The following MYO18B variants were observed in gnomAD, a reference collection of about 807,000 sequenced individuals.
The protein encoded by MYO18B is myosin XVIIIB, also known as unconventional myosin-XVIIIb.
MYO18B carries 204 observed loss-of-function variants against 273.0 expected under a neutral mutation model. The observed-to-expected ratio is 0.75, with a 90% confidence interval of 0.67 to 0.84. MYO18B has a LOEUF of 0.84. MYO18B is among the 40% of genes least tolerant of loss of function. MYO18B has a pLI of 0.00. For synonymous variants in MYO18B, 1,330 were observed against 1,305.7 expected, an observed-to-expected ratio of 1.02 and a Z score of -0.40; for missense variants, 3,212 against 3,287.6, an observed-to-expected ratio of 0.98 and a Z score of 0.56.
rs1046404107 is a variant in MYO18B, at chr22:25,768,560, A to G, written c.644A>G (p.Lys215Arg). ...STEILAPKAE[K>R]TRTGGLGDPG... Reference sequence around the variant, plus strand: ...GAGATCTTGGCCCCGAAAGCTGAGAAGACCCGGACTGGGGGTCTTGGGGAC... The same window carrying G: ...GAGATCTTGGCCCCGAAAGCTGAGAGGACCCGGACTGGGGGTCTTGGGGAC... Residue 215 changes from lysine to arginine, a missense_variant, in exon 4 of 44, where the codon AAG becomes AGG. Coordinates refer to ENST00000335473, the MANE Select transcript of MYO18B (RefSeq NM_032608.7). 4.5e-6 allele frequency: 7 copies of G among 1,539,376 alleles called. No homozygotes were observed. Among genetic ancestry groups the G allele is most frequent in the Non-Finnish European group, 5.2e-6 (6 of 1,147,294 alleles).
chr22:26,003,121 G>C, intron 40 of MYO18B, 144 bp from the exon 41 acceptor site: 1 of 717,920 alleles, frequency 1.4e-6, no homozygotes, highest in Non-Finnish European at 2.5e-6. Flanking sequence ...GGAAGCTCAG[G>C]GAAGGCAAGT....
chr22:25,954,649 G>A (rs1264123463), intron 38 of MYO18B, among the ~76,000 whole-genome samples: 2 of 152,126 alleles, frequency 1.3e-5, no homozygotes, highest in Non-Finnish European at 2.9e-5. Flanking sequence ...AACCCAGAGG[G>A]TCTTGGGGGC....
At chr22:25,902,560 A>G (rs1055581615) in intron 29 of MYO18B, 53 bp from the exon 30 acceptor site, 75 of 1,561,458 alleles carry the variant, frequency 4.8e-5, no homozygotes, top group Admixed American at 5.6e-5. Context: ...TGCCTCAATC[A>G]CTCCCCTGCC....
At chr22:25,834,136 CTTCTTCTTTTTTTTT>C (rs536477224) in intron 16 of MYO18B, among the ~76,000 whole-genome samples, 56 of 149,690 alleles carry the variant, frequency 3.7e-4, no homozygotes, top group African/African-American at 1.3e-3. Context: ...TAGCTACCTT[CTTCTTCTTTTTTTTT>C]TTCTTTTTTT....
Position 25,921,276 on chromosome 22 carries a change from A to G in MYO18B, c.5384A>G (p.Asp1795Gly), listed in dbSNP as rs1391064052. Reference sequence around the variant, plus strand: ...TTTCAGATTGGCCATCGGGACTTTGATGTGGAGAAGCGACTTCGGAGAGAC... The same window carrying G: ...TTTCAGATTGGCCATCGGGACTTTGGTGTGGAGAAGCGACTTCGGAGAGAC... ...LCDQIGHRDF[D>G]VEKRLRRDLR... Residue 1795 changes from aspartate to glycine, a missense_variant, in exon 34 of 44, where the codon GAT (aspartate) becomes GGT (glycine). Asp to Gly is a moderately conservative substitution (Grantham distance 94). Transcript: ENST00000335473. 6.4e-7 allele frequency: 1 copy of G among 1,552,526 alleles called. No homozygotes were observed. Among genetic ancestry groups the G allele is most frequent in the Non-Finnish European group, 8.7e-7 (1 of 1,147,206 alleles).
chr22:25,992,627 C>T (rs1269970294), intron 40 of MYO18B, 134 bp downstream of exon 40: 9 of 1,184,666 alleles, frequency 7.6e-6, no homozygotes, highest in Admixed American at 4.3e-5. Context: ...AGGCACCCCT[C>T]GTTTACTTGG....
chr22:25,827,354 G>T (rs574451504), intron 14 of MYO18B, among the ~76,000 whole-genome samples: 10 of 152,306 alleles, frequency 6.6e-5, no homozygotes, highest in African/African-American at 2.4e-4. Flanking sequence ...TCTTGCTGGG[G>T]ATGGGAGCAA....
intron 40 of MYO18B, among the ~76,000 whole-genome samples, chr22:25,997,975 A>G (rs1025853528): frequency 7.0e-5 from 8 of 113,826 alleles, no homozygotes; most frequent in Non-Finnish European, 1.2e-4. Flanking sequence ...ACACACACAC[A>G]CACGAGAGAG....
chr22:26,000,004 C>T (rs1031586963), intron 40 of MYO18B, among the ~76,000 whole-genome samples: 2 of 152,188 alleles, frequency 1.3e-5, no homozygotes, highest in Non-Finnish European at 1.5e-5. Context: ...AAACCACTGA[C>T]CGCATGTCAG....
chr22:25,942,443 T>G lies in MYO18B; in HGVS notation c.5518-3694T>G, dbSNP rs140071279. Among the ~76,000 whole-genome samples the G allele has an allele frequency of 1.5e-3, 231 of 152,346 alleles. 5 individuals are homozygous for G. In the South Asian group the frequency reaches 0.035, roughly 23 times the overall value. On this transcript the variant is annotated intron_variant, in intron 34 of 43. Transcript: ENST00000335473. The stretch of plus-strand genomic sequence containing the variant: ...ATAGCACGAAACCACTGAGCTGTTT[T>G]CTCTGCAACAGAGCTCTCTCTTTAT...
At chr22:25,937,582 A>ATCCTTTTTTTTTTT (rs1569211217) in intron 34 of MYO18B, among the ~76,000 whole-genome samples, 1 of 144,300 alleles carries the variant, frequency 6.9e-6, no homozygotes, top group African/African-American at 2.6e-5. Context: ...CTGGCCTGAC[A>ATCCTTTTTTTTTTT]TTCTTTTTTT....
rs567119065 is a variant in MYO18B, at chr22:25,917,580, G to A, written c.5365-3677G>A. Among the ~76,000 whole-genome samples, 86 of 151,462 alleles carry A rather than the reference G, an allele frequency of 5.7e-4. No homozygotes were observed. In the South Asian group the frequency reaches 0.017, roughly 31 times the overall value. On this transcript the variant is annotated intron_variant, in intron 33 of 43. Transcript: ENST00000335473. ...TGTGTGTGTGTGTGTGTGTGTGTGTGTATGCATGTTCATGTGTTTTCTTTA... is the reference window on the plus strand; with the variant it reads ...TGTGTGTGTGTGTGTGTGTGTGTGTATATGCATGTTCATGTGTTTTCTTTA...
chr22:26,038,328 T>A, the MYO18B span, among the ~76,000 whole-genome samples: 1 of 152,214 alleles, frequency 6.6e-6, no homozygotes, highest in Non-Finnish European at 1.5e-5. Context: ...AAGCTCACCA[T>A]AGGCGAGCTG....
chr22:25,996,118 A>C (rs1480260113), intron 40 of MYO18B, among the ~76,000 whole-genome samples: 1 of 152,224 alleles, frequency 6.6e-6, no homozygotes, highest in Non-Finnish European at 1.5e-5. Context: ...TGCCAATTAG[A>C]GATCTAATGG....
intron 42 of MYO18B, among the ~76,000 whole-genome samples, chr22:26,019,374 ATTC>A (rs1288580070): frequency 1.3e-5 from 2 of 152,180 alleles, no homozygotes; most frequent in Non-Finnish European, 2.9e-5. Context: ...CAAATTACTG[ATTC>A]TTTCTGAGCC....
At chr22:25,802,958 T>C (rs553867572) in intron 12 of MYO18B, among the ~76,000 whole-genome samples, 1 of 143,574 alleles carries the variant, frequency 7.0e-6, no homozygotes, top group African/African-American at 2.6e-5. Context: ...CTGCTTTCTT[T>C]TTTCTTTCTT....
chr22:26,002,798 C>A (rs1360956915), intron 40 of MYO18B, among the ~76,000 whole-genome samples: 1 of 150,098 alleles, frequency 6.7e-6, no homozygotes, highest in Non-Finnish European at 1.5e-5. Context: ...GAGGGATGCT[C>A]TCTAAAGAAC....
Position 25,847,556 on chromosome 22 carries a change from C to T in MYO18B, c.3679C>T (p.Pro1227Ser), listed in dbSNP as rs754832490. ...ACCACCGCAGCCTGGTAGAGACAAG[C>T]CTGGGGCAGGTGGACCTCTGGCCCT... ...PPPPQPGRDK[P>S]GAGGPLALDI... The change falls in exon 20 of 44, where the codon CCT (proline) becomes TCT (serine). Residue 1227 changes from proline to serine, a missense_variant. Physicochemically the swap from Pro to Ser is moderately conservative, Grantham distance 74. Transcript: ENST00000335473. 8 of 1,570,156 alleles carry T rather than the reference C, an allele frequency of 5.1e-6. No homozygotes were observed. The highest frequency in any genetic ancestry group is 6.9e-6 in the Non-Finnish European group (8 of 1,157,504).
intron 11 of MYO18B, among the ~76,000 whole-genome samples, chr22:25,790,092 G>A (rs1374032035): frequency 6.6e-6 from 1 of 152,216 alleles, no homozygotes; most frequent in Non-Finnish European, 1.5e-5. Context: ...GGCGGAGGTT[G>A]CAGTGAGCCG....
Sources: allele counts gnomAD v4.1 joint callset (sites outside exome capture counted in the v4.1 genomes callset), GRCh38; gene constraint gnomAD v4.1.1; transcripts MANE v1.5; gene names NCBI Gene and HGNC (gene_info 2026-07-23, HGNC 2026-07-21).